The following SLC12A7 variants were observed in gnomAD, a reference collection of about 807,000 sequenced individuals.
The protein encoded by SLC12A7 is K-Cl cotransporter 4.
Under a neutral mutation model 120.6 loss-of-function variants are expected in SLC12A7, and 100 were observed. The ratio of observed to expected loss-of-function variants is 0.83; its 90% CI spans 0.71 to 0.98. The LOEUF is 0.98. Among genes scored for constraint, SLC12A7 ranks in the 50% least tolerant of loss-of-function variants. The pLI is 0.00. For synonymous variants in SLC12A7, 760 were observed against 678.0 expected, an observed-to-expected ratio of 1.12 and a Z score of -1.88; for missense variants, 1,373 against 1,548.1, an observed-to-expected ratio of 0.89 and a Z score of 1.90.
chr5:1,111,903 G>A lies in SLC12A7; in HGVS notation c.89C>T (p.Thr30Ile). ...GCGCTCGGGCTCGGGGCCCTCGGGG[G>A]TGCCCGGAGCCTCCGTCCGCTCGGC... ...ETAERTEAPG[T>I]PEGPEPERPS... Residue 30 changes from threonine (T) to isoleucine (I), a missense_variant, in exon 1 of 24, where the codon ACC becomes ATC. By Grantham distance (89) the Thr-to-Ile change is moderately conservative. Coordinates refer to ENST00000264930, the MANE Select transcript of SLC12A7 (RefSeq NM_006598.3). The A allele has an allele frequency of 1.6e-6, 2 of 1,243,098 alleles. No individual in the cohort carries two copies. The highest frequency in any genetic ancestry group is 2.0e-6 in the Non-Finnish European group (2 of 991,810). 77.0% of individuals were successfully genotyped at this position (1,243,098 alleles called of 1,614,324 possible). A position where few individuals can be genotyped will look rare whatever the true frequency, so the allele number is the denominator to read the frequency against.
At chr5:1,101,994 G>C (rs1742067967) in intron 1 of SLC12A7, among the ~76,000 whole-genome samples, 1 of 152,228 alleles carries the variant, frequency 6.6e-6, no homozygotes, top group South Asian at 2.1e-4. Context: ...CCTCCGGTCT[G>C]TTTTTCACTC....
At chr5:1,123,847 G>C in the SLC12A7 span, among the ~76,000 whole-genome samples, 3 of 152,228 alleles carry the variant, frequency 2.0e-5, no homozygotes, top group East Asian at 5.8e-4. Flanking sequence ...GTTTCATTAA[G>C]AGAAGAGAGA....
chr5:1,152,327 G>T, the SLC12A7 span, among the ~76,000 whole-genome samples: 2 of 152,224 alleles, frequency 1.3e-5, no homozygotes, highest in African/African-American at 4.8e-5. Flanking sequence ...TCTGCGGCCG[G>T]CCACCAACTG....
At chr5:1,076,301 C>T in intron 13 of SLC12A7, 65 bp from the exon 14 acceptor site, 2 of 1,296,434 alleles carry the variant, frequency 1.5e-6, no homozygotes, top group East Asian at 2.5e-5. Flanking sequence ...GTCACTGCCA[C>T]CTGGGAGACC....
chr5:1,122,701 G>A, the SLC12A7 span, among the ~76,000 whole-genome samples: 169 of 152,238 alleles, frequency 1.1e-3, no homozygotes, highest in Non-Finnish European at 1.9e-3. Context: ...ACAGGGCCCC[G>A]CGGCATGACG....
Position 1,077,712 on chromosome 5 carries a change from C to T in SLC12A7, c.1629+121G>A, listed in dbSNP as rs115441467. The T allele has an allele frequency of 3.9e-3, 4,236 of 1,093,118 alleles. 82 individuals are homozygous for T. In the African/African-American group the frequency reaches 0.045, roughly 12 times the overall value. 67.7% of individuals were successfully genotyped at this position (1,093,118 alleles called of 1,614,324 possible). ...TGTGCAGTGGCCAGGGGCAGAATGACCACCATGGGGTCCAAGCCGCGGGCA... is the reference window on the plus strand; with the variant it reads ...TGTGCAGTGGCCAGGGGCAGAATGATCACCATGGGGTCCAAGCCGCGGGCA... On this transcript the variant is annotated intron_variant, in intron 12 of 23. Transcript: ENST00000264930.
At chr5:1,058,820 A>ACCTGGCCC (rs1735891322) in intron 21 of SLC12A7, among the ~76,000 whole-genome samples, 2 of 152,254 alleles carry the variant, frequency 1.3e-5, no homozygotes, top group South Asian at 4.1e-4. Context: ...AGCGCCGCCC[A>ACCTGGCCC]CCTGGCCCGA....
intron 6 of SLC12A7, among the ~76,000 whole-genome samples, chr5:1,085,853 C>T (rs1739810605): frequency 6.6e-6 from 1 of 152,238 alleles, no homozygotes; most frequent in Admixed American, 6.5e-5. Flanking sequence ...ACACCTTCTG[C>T]TAAGAGGAAT....
At chr5:1,062,675 G>A (rs1736419593) in intron 20 of SLC12A7, among the ~76,000 whole-genome samples, 1 of 68,262 alleles carries the variant, frequency 1.5e-5, no homozygotes, top group South Asian at 6.0e-4. Context: ...ACCCAGGGCT[G>A]GGGGGCTGGG....
intron 3 of SLC12A7, among the ~76,000 whole-genome samples, chr5:1,089,943 C>T (rs1351359045): frequency 6.6e-6 from 1 of 152,246 alleles, no homozygotes; most frequent in African/African-American, 2.4e-5. Flanking sequence ...GTGGCTCAGA[C>T]CTGGAGGACG....
At chr5:1,053,513 G>T in intron 22 of SLC12A7, 31 bp from the exon 23 acceptor site, 1 of 1,607,812 alleles carries the variant, frequency 6.2e-7, no homozygotes, top group Non-Finnish European at 8.5e-7. Context: ...GTCAGCGGGC[G>T]GCGGGTGCAC....
At chr5:1,077,788 G>C (rs374537808) in intron 12 of SLC12A7, 45 bp downstream of exon 12, 2 of 1,511,532 alleles carry the variant, frequency 1.3e-6, no homozygotes, top group African/African-American at 1.4e-5. Flanking sequence ...GAGAGCCCCC[G>C]ACCCTGACCT....
intron 21 of SLC12A7, among the ~76,000 whole-genome samples, chr5:1,059,990 T>C (rs997467455): frequency 1.3e-5 from 2 of 152,238 alleles, no homozygotes; most frequent in Non-Finnish European, 2.9e-5. Flanking sequence ...GCACTGCCCT[T>C]GGGGAGGGTC....
the SLC12A7 span, among the ~76,000 whole-genome samples, chr5:1,153,962 A>T: frequency 6.6e-6 from 1 of 152,146 alleles, no homozygotes; most frequent in African/African-American, 2.4e-5. Context: ...CAGGCTCAGG[A>T]GAAGGACAGG....
intron 1 of SLC12A7, among the ~76,000 whole-genome samples, chr5:1,095,488 G>A (rs551224162): frequency 2.6e-5 from 4 of 152,242 alleles, no homozygotes; most frequent in Non-Finnish European, 5.9e-5. Flanking sequence ...CTGCACACCA[G>A]CTCCCCAGAC....
In SLC12A7 at chr5:1,060,374, C is replaced by T; in HGVS notation, c.2817G>A (p.Met939Ile). The change falls in exon 21 of 24, where the codon ATG (methionine) becomes ATA (isoleucine). Residue 939 changes from methionine (M) to isoleucine (I), a missense_variant. By Grantham distance (10) the Met-to-Ile change is conservative. Transcript: ENST00000264930. ...MEQRSQMLKQ[M>I]QLSKNEQERE... ...GCTCCTGCTCGTTCTTGGACAGCTG[C>T]ATCTGCTTCAGCATCTGCGACCTCT... 6.2e-7 allele frequency: 1 copy of T among 1,613,706 alleles called. No individual in the cohort carries two copies. The highest frequency in any genetic ancestry group is 8.5e-7 in the Non-Finnish European group (1 of 1,179,902).
At chr5:1,074,728 C>T (rs1224876553) in intron 15 of SLC12A7, 57 bp from the exon 16 acceptor site, 2 of 1,520,590 alleles carry the variant, frequency 1.3e-6, no homozygotes, top group Admixed American at 1.8e-5. Context: ...TCCTCTCCCA[C>T]CTGGGAAAGG....
chr5:1,054,283 G>A (rs1185155925), intron 22 of SLC12A7, among the ~76,000 whole-genome samples: 2 of 152,256 alleles, frequency 1.3e-5, no homozygotes, highest in Non-Finnish European at 2.9e-5. Flanking sequence ...AAGCTGCTGT[G>A]GCCGGTCCAT....
chr5:1,123,242 T>C, the SLC12A7 span, among the ~76,000 whole-genome samples: 1 of 152,100 alleles, frequency 6.6e-6, no homozygotes, highest in African/African-American at 2.4e-5. Context: ...TTGCCCTGGG[T>C]CCACATTCCC....
Sources: gnomAD v4.1 joint callset for allele counts (sites outside exome capture counted in the v4.1 genomes callset) on GRCh38, gnomAD v4.1.1 for gene constraint, MANE v1.5 for transcripts, NCBI Gene and HGNC (gene_info 2026-07-23, HGNC 2026-07-21) for gene names.